The following GRIA1 variants were observed in gnomAD, a reference collection of about 807,000 sequenced individuals.
The protein encoded by GRIA1 is glutamate ionotropic receptor AMPA type subunit 1, also known as glutamate receptor 1.
GRIA1 carries 31 observed loss-of-function variants against 99.2 expected under a neutral mutation model. That is an observed-to-expected ratio of 0.31 (90% CI 0.23 to 0.42). The LOEUF (loss-of-function observed/expected upper bound fraction) is 0.42, where lower values mean the gene tolerates loss of function less well. GRIA1 is among the 10% of genes least tolerant of loss of function. The probability of loss-of-function intolerance (pLI) is 1.00; values close to 1 mark genes in which losing one functional copy is unlikely to be tolerated. For missense variants in GRIA1, 782 were observed against 1,157.5 expected (o/e 0.68, Z 4.71); for synonymous variants, 438 against 432.4 (o/e 1.01, Z -0.16).
At chr5:153,551,121 T>C (rs979390093) in intron 2 of GRIA1, among the ~76,000 whole-genome samples, 5 of 152,140 alleles carry the variant, frequency 3.3e-5, no homozygotes, top group Middle Eastern at 3.2e-3. Context: ...TGTTTTATTA[T>C]GTGTCTAGAC....
At chr5:153,727,992 G>A (rs1384521731) in intron 11 of GRIA1, among the ~76,000 whole-genome samples, 10 of 151,274 alleles carry the variant, frequency 6.6e-5, no homozygotes, top group Admixed American at 5.9e-4. Context: ...ATACTACAAG[G>A]CTACAGTAAC....
intron 8 of GRIA1, among the ~76,000 whole-genome samples, chr5:153,689,146 G>A (rs138301977): frequency 6.0e-5 from 9 of 151,128 alleles, no homozygotes; most frequent in East Asian, 1.9e-4. Flanking sequence ...CACCCACCTC[G>A]GCCTCCCAAA....
intron 11 of GRIA1, among the ~76,000 whole-genome samples, chr5:153,716,013 G>A (rs144189519): frequency 1.3e-5 from 2 of 152,150 alleles, no homozygotes; most frequent in Admixed American, 6.5e-5. Flanking sequence ...GAAATAAAAG[G>A]AACCAGAAAA....
intron 11 of GRIA1, among the ~76,000 whole-genome samples, chr5:153,761,975 T>C (rs1763213620): frequency 6.6e-6 from 1 of 152,114 alleles, no homozygotes; most frequent in Non-Finnish European, 1.5e-5. Context: ...ATTGATCTCC[T>C]AGCAGTGCAG....
chr5:153,641,453 C>T (rs1236075878), intron 2 of GRIA1, among the ~76,000 whole-genome samples: 3 of 152,110 alleles, frequency 2.0e-5, no homozygotes, highest in Admixed American at 6.5e-5. Flanking sequence ...GGACAGCCCA[C>T]GCCATGCAGT....
At chr5:153,603,874 G>A (rs1765220756) in intron 2 of GRIA1, among the ~76,000 whole-genome samples, 1 of 152,186 alleles carries the variant, frequency 6.6e-6, no homozygotes, top group Non-Finnish European at 1.5e-5. Context: ...GGGATGTTGT[G>A]ATGATTAAAT....
At chr5:153,492,436 AGAG>A in intron 1 of GRIA1, 1 of 899,588 alleles carries the variant, frequency 1.1e-6, no homozygotes. Context: ...CATTCATTGC[AGAG>A]GAGGAGAAAG....
At position 153,523,014 on chromosome 5, in the gene GRIA1, A is replaced by ATCTCTCTCTCTCTC. The variant is rs1491124899; in HGVS notation, c.220+28950_220+28951insCTCTCTCTCTCTCT. On this transcript the variant is annotated intron_variant, in intron 2 of 15. Coordinates refer to ENST00000285900, the MANE Select transcript of GRIA1 (RefSeq NM_000827.4). ...CTTCCACCTGATTCTCTTGTTCCTG[A>ATCTCTCTCTCTCTC]TATCTCTCTCTCTCTCTCTCTCTCT... 4.0e-5 allele frequency among the ~76,000 whole-genome samples: 3 copies of ATCTCTCTCTCTCTC among 74,164 alleles called. 1 individual carries two copies. The highest frequency in any genetic ancestry group is 6.4e-5 in the Non-Finnish European group (2 of 31,342). 48.7% of individuals were successfully genotyped at this position (74,164 alleles called of 152,430 possible). A position where few individuals can be genotyped will look rare whatever the true frequency, so the allele number is the denominator to read the frequency against.
intron 2 of GRIA1, among the ~76,000 whole-genome samples, chr5:153,625,688 C>G (rs1767534626): frequency 6.6e-6 from 1 of 152,220 alleles, no homozygotes; most frequent in South Asian, 2.1e-4. Context: ...CAGAATAAAA[C>G]TTCATGGCAT....
intron 5 of GRIA1, among the ~76,000 whole-genome samples, chr5:153,657,883 T>A (rs1384264195): frequency 6.6e-6 from 1 of 152,208 alleles, no homozygotes; most frequent in Non-Finnish European, 1.5e-5. Flanking sequence ...CAGACACTTT[T>A]GGGGAACGAA....
intron 2 of GRIA1, among the ~76,000 whole-genome samples, chr5:153,559,236 T>G (rs1276329720): frequency 6.6e-6 from 1 of 152,172 alleles, no homozygotes; most frequent in African/African-American, 2.4e-5. Context: ...CCTTCCCTGC[T>G]TCCTGCAGAG....
At chr5:153,659,433 G>A (rs1195442948) in intron 5 of GRIA1, among the ~76,000 whole-genome samples, 1 of 152,138 alleles carries the variant, frequency 6.6e-6, no homozygotes. Flanking sequence ...CAAGTGCTGA[G>A]CCTGGCTGCC....
chr5:153,504,607 G>C (rs533277982), intron 2 of GRIA1, among the ~76,000 whole-genome samples: 1 of 152,226 alleles, frequency 6.6e-6, no homozygotes, highest in South Asian at 2.1e-4. Flanking sequence ...GGTAAGTCAA[G>C]ATCAGAAGTC....
chr5:153,543,829 G>C (rs1759358135), intron 2 of GRIA1, among the ~76,000 whole-genome samples: 2 of 152,162 alleles, frequency 1.3e-5, no homozygotes, highest in Admixed American at 1.3e-4. Context: ...TTAGGCACTA[G>C]AATATAGTGG....
intron 12 of GRIA1, among the ~76,000 whole-genome samples, chr5:153,769,334 T>C (rs1164318860): frequency 6.6e-6 from 1 of 152,140 alleles, no homozygotes; most frequent in African/African-American, 2.4e-5. Flanking sequence ...ATATGCATTT[T>C]TACAATCGAT....
chr5:153,531,303 G>C (rs1164065485), intron 2 of GRIA1, among the ~76,000 whole-genome samples: 1 of 152,120 alleles, frequency 6.6e-6, no homozygotes, highest in Admixed American at 6.6e-5. Flanking sequence ...AATGATGCAG[G>C]GCCTTCTAGA....
chr5:153,718,498 T>A lies in GRIA1; in HGVS notation c.1823+12431T>A, dbSNP rs1407264533. Among the ~76,000 whole-genome samples the A allele has an allele frequency of 9.2e-5, 14 of 152,130 alleles. 1 individual carries two copies. The highest frequency in any genetic ancestry group is 7.2e-4 in the Admixed American group (11 of 15,284). On this transcript the variant is annotated intron_variant, in intron 11 of 15. Transcript: ENST00000285900. ...GACAAACCTGGGTTTGGATCCTAGC[T>A]CCAGCAGCTACTAAGCTTTCAGACT...
At chr5:153,771,231 T>A (rs959325706) in intron 13 of GRIA1, among the ~76,000 whole-genome samples, 1 of 152,196 alleles carries the variant, frequency 6.6e-6, no homozygotes, top group African/African-American at 2.4e-5. Flanking sequence ...ATGTTGAAGG[T>A]CACTGAAAAC....
chr5:153,569,504 C>A (rs1424789648), intron 2 of GRIA1, among the ~76,000 whole-genome samples: 1 of 152,242 alleles, frequency 6.6e-6, no homozygotes, highest in African/African-American at 2.4e-5. Context: ...TCCCTCCCTG[C>A]TGCTGAGCAG....
Sources: gnomAD v4.1 joint callset for allele counts (sites outside exome capture counted in the v4.1 genomes callset) on GRCh38, gnomAD v4.1.1 for gene constraint, MANE v1.5 for transcripts, NCBI Gene and HGNC (gene_info 2026-07-23, HGNC 2026-07-21) for gene names.